Variants in TLN2 observed in about 807,000 individuals in gnomAD.
The protein encoded by TLN2 is talin-2.
In TLN2, 118 loss-of-function variants were observed where a neutral mutation model predicts 294.7. The ratio of observed to expected loss-of-function variants is 0.40; its 90% CI spans 0.34 to 0.47. The LOEUF is 0.47. TLN2 is among the 20% of genes least tolerant of loss of function. TLN2 has a pLI of 0.84. For missense variants in TLN2, 3,083 were observed against 3,282.2 expected (o/e 0.94, Z 1.48); for synonymous variants, 1,431 against 1,304.5 (o/e 1.10, Z -2.09).
chr15:62,664,919 T>TTA lies in TLN2; in HGVS notation c.788+7022_788+7023insAT, dbSNP rs201535496. Among the ~76,000 whole-genome samples the TTA allele has an allele frequency of 7.1e-3, 1,046 of 147,840 alleles. 18 individuals are homozygous for TTA. The highest frequency in any genetic ancestry group is 0.025 in the African/African-American group (996 of 39,882). On this transcript the variant is annotated intron_variant, in intron 9 of 58. Transcript: ENST00000636159. Reference sequence around the variant, plus strand: ...AGAAAGGATATGGGATTTCCACTAATTCTGTAATCTCTACTTTAATAACAG... The same window carrying TTA: ...AGAAAGGATATGGGATTTCCACTAATTATCTGTAATCTCTACTTTAATAACAG...
At chr15:62,755,218 TGC>T in intron 36 of TLN2, 1 of 243,492 alleles carries the variant, frequency 4.1e-6, no homozygotes, top group Admixed American at 5.2e-5. Context: ...TTGGTCTAGA[TGC>T]TATACCCTGG....
chr15:62,645,645 C>G (rs968442600), intron 3 of TLN2, among the ~76,000 whole-genome samples: 2 of 152,208 alleles, frequency 1.3e-5, no homozygotes, highest in African/African-American at 4.8e-5. Flanking sequence ...CTGCCTGGGC[C>G]TGGGCAGCCT....
At chr15:62,438,165 G>C (rs1383014492) in intron 1 of TLN2, among the ~76,000 whole-genome samples, 1 of 152,206 alleles carries the variant, frequency 6.6e-6, no homozygotes, top group Non-Finnish European at 1.5e-5. Context: ...AGAGCCATCA[G>C]TTGCTGCTCT....
chr15:62,543,138 T>C (rs1013039217), intron 1 of TLN2, among the ~76,000 whole-genome samples: 4 of 152,210 alleles, frequency 2.6e-5, no homozygotes, highest in African/African-American at 9.6e-5. Flanking sequence ...TTGCTCTCTG[T>C]CTGGCTCCAG....
chr15:62,829,037 C>G (rs1013586644), intron 54 of TLN2: 2 of 152,012 alleles, frequency 1.3e-5, no homozygotes, highest in Admixed American at 6.6e-5. Context: ...GCATCTGCAT[C>G]TTTAACCAGA....
chr15:62,465,645 T>C (rs1165407861), intron 1 of TLN2, among the ~76,000 whole-genome samples: 1 of 152,240 alleles, frequency 6.6e-6, no homozygotes, highest in Non-Finnish European at 1.5e-5. Context: ...ACATTTTCTC[T>C]ATCCATGAAA....
intron 32 of TLN2, 100 bp from the exon 33 acceptor site, chr15:62,748,249 GAA>G: frequency 1.1e-6 from 1 of 906,160 alleles, no homozygotes; most frequent in Non-Finnish European, 1.7e-6. Flanking sequence ...GACCCGAGCT[GAA>G]ATAGTGAATT....
At chr15:62,748,871 A>G (rs1364345052) in intron 33 of TLN2, among the ~76,000 whole-genome samples, 3 of 152,240 alleles carry the variant, frequency 2.0e-5, no homozygotes, top group Non-Finnish European at 4.4e-5. Flanking sequence ...TTTCCCATAC[A>G]CTGCATCTGT....
chr15:62,708,916 C>A, intron 21 of TLN2, 120 bp downstream of exon 21: 1 of 1,194,776 alleles, frequency 8.4e-7, no homozygotes, highest in Non-Finnish European at 1.1e-6. Flanking sequence ...TCTCTTCAGT[C>A]TCAAAGACTT....
intron 54 of TLN2, chr15:62,829,492 AGGTCCCTCCCATG>A: frequency 1.6e-5 from 2 of 122,018 alleles, no homozygotes. Flanking sequence ...ACCTCCCACC[AGGTCCCTCCCATG>A]ACATGTGGGG....
chr15:62,829,158 A>G (rs2068508941), intron 54 of TLN2: 1 of 4,784 alleles, frequency 2.1e-4, no homozygotes, highest in Non-Finnish European at 7.2e-3. Context: ...GTATATATAT[A>G]TAATATATAT....
chr15:62,567,531 G>T (rs1042322756), intron 1 of TLN2, among the ~76,000 whole-genome samples: 7 of 152,200 alleles, frequency 4.6e-5, no homozygotes, highest in Admixed American at 3.3e-4. Context: ...CGATGGCATT[G>T]CTGAGAAAGA....
Position 62,827,388 on chromosome 15 carries a change from G to A in TLN2, c.7003-6116G>A, listed in dbSNP as rs138385032. ...GTAGTTCCTGCTTATTTTAGTCACC[G>A]CCTTCTAAGAGAAGTTTAATTTGGA... On this transcript the variant is annotated intron_variant, in intron 54 of 58. Transcript: ENST00000636159. Among the ~76,000 whole-genome samples, 448 of 152,260 alleles carry A rather than the reference G, an allele frequency of 2.9e-3. 4 individuals carry two copies. Among genetic ancestry groups the A allele is most frequent in the African/African-American group, 0.01 (430 of 41,556 alleles).
At chr15:62,719,729 T>C (rs753269590) in intron 24 of TLN2, 38 bp from the exon 25 acceptor site, 7 of 1,512,130 alleles carry the variant, frequency 4.6e-6, no homozygotes, top group Middle Eastern at 1.8e-4. Flanking sequence ...GGTCCCACCA[T>C]TCTAGCCATG....
chr15:62,450,226 A>G (rs1041418266), intron 1 of TLN2, among the ~76,000 whole-genome samples: 2 of 152,076 alleles, frequency 1.3e-5, no homozygotes, highest in African/African-American at 4.8e-5. Flanking sequence ...ACCAACCACT[A>G]GATCCTACCC....
intron 1 of TLN2, among the ~76,000 whole-genome samples, chr15:62,393,455 GGTGA>G (rs775298685): frequency 2.0e-4 from 31 of 152,262 alleles, no homozygotes; most frequent in Non-Finnish European, 3.2e-4. Context: ...TTTAGGAAGA[GGTGA>G]GTATGTTATT....
intron 1 of TLN2, among the ~76,000 whole-genome samples, chr15:62,534,418 C>T (rs968756446): frequency 1.3e-5 from 2 of 152,112 alleles, no homozygotes; most frequent in Non-Finnish European, 2.9e-5. Context: ...GAACAGCTCA[C>T]AGAACTCAGG....
intron 2 of TLN2, among the ~76,000 whole-genome samples, chr15:62,616,855 A>C (rs1242923161): frequency 2.0e-5 from 3 of 152,218 alleles, no homozygotes; most frequent in Non-Finnish European, 4.4e-5. Context: ...TCTTATTAGA[A>C]AGCACTTGAT....
chr15:62,655,158 T>C (rs980426567), intron 7 of TLN2, among the ~76,000 whole-genome samples: 15 of 152,188 alleles, frequency 9.9e-5, no homozygotes, highest in African/African-American at 3.4e-4. Context: ...TTTATTATTA[T>C]GTGCAAAATA....
Sources: gnomAD v4.1 joint callset for allele counts (sites outside exome capture counted in the v4.1 genomes callset) on GRCh38, gnomAD v4.1.1 for gene constraint, MANE v1.5 for transcripts, NCBI Gene and HGNC (gene_info 2026-07-23, HGNC 2026-07-21) for gene names.